RIMBP2: variants seen among roughly 807,000 people sequenced by gnomAD.
The protein encoded by RIMBP2 is RIMS-binding protein 2.
In RIMBP2, 48 loss-of-function variants were observed where a neutral mutation model predicts 118.6. The ratio of observed to expected loss-of-function variants is 0.40; its 90% CI spans 0.32 to 0.51. The LOEUF (loss-of-function observed/expected upper bound fraction) is 0.51. Ranked by LOEUF, RIMBP2 falls within the 20% of genes least tolerant of loss-of-function variation. The probability of loss-of-function intolerance (pLI) is 0.41; values close to 1 mark genes in which losing one functional copy is unlikely to be tolerated. For synonymous variants in RIMBP2, 762 were observed against 742.9 expected, an observed-to-expected ratio of 1.03 and a Z score of -0.42; for missense variants, 1,551 against 1,768.3, an observed-to-expected ratio of 0.88 and a Z score of 2.20.
chr12:130,596,073 G>A (rs545519014), intron 2 of RIMBP2, among the ~76,000 whole-genome samples: 2 of 152,172 alleles, frequency 1.3e-5, no homozygotes, highest in Non-Finnish European at 2.9e-5. Flanking sequence ...CGTCCCTGAT[G>A]TTACACAGTT....
rs2078530152 is a variant in RIMBP2 at position 130,446,452 on chromosome 12, C to T, written c.582-1183G>A. 6.6e-6 allele frequency among the ~76,000 whole-genome samples: 1 copy of T among 152,196 alleles called. No individual in the cohort carries two copies. Among genetic ancestry groups the T allele is most frequent in the South Asian group, 2.1e-4 (1 of 4,834 alleles). On this transcript the variant is annotated intron_variant, in intron 9 of 22. Transcript: ENST00000690449. The surrounding 1 kb of genome is among the most constrained non-coding windows in gnomAD (Gnocchi z 4.1). Reference sequence around the variant, plus strand: ...TGAATCGGTGGAAGGGGAACCAGAGCTGAGACCTCCTGACCCGTCCTGCGC... The same window carrying T: ...TGAATCGGTGGAAGGGGAACCAGAGTTGAGACCTCCTGACCCGTCCTGCGC...
At chr12:130,601,328 G>C (rs962682191) in intron 2 of RIMBP2, among the ~76,000 whole-genome samples, 4 of 120,044 alleles carry the variant, frequency 3.3e-5, no homozygotes, top group Admixed American at 1.7e-4. Flanking sequence ...GGGTCAAAGA[G>C]GGCAGGCAAA....
At position 130,537,501 on chromosome 12, in the gene RIMBP2, G is replaced by C. The variant is rs2054183634; in HGVS notation, c.-216-19584C>G. 3.3e-5 allele frequency among the ~76,000 whole-genome samples: 5 copies of C among 152,288 alleles called. No individual in the cohort carries two copies. In the South Asian group the frequency reaches 1.0e-3, roughly 32 times the overall value. ...GTTTGCCATATTGCCATTAGCAAACGACTTAACCTCTTTGAAGTCTCACTT... is the reference window on the plus strand; with the variant it reads ...GTTTGCCATATTGCCATTAGCAAACCACTTAACCTCTTTGAAGTCTCACTT... On this transcript the variant is annotated intron_variant, in intron 2 of 22. Transcript: ENST00000690449.
intron 1 of RIMBP2, among the ~76,000 whole-genome samples, chr12:130,681,608 G>T (rs1379633789): frequency 6.6e-6 from 1 of 152,078 alleles, no homozygotes; most frequent in Non-Finnish European, 1.5e-5. Context: ...ATGAACTAAG[G>T]TCGTGTAAAT....
chr12:130,424,517 G>A lies in RIMBP2; in HGVS notation c.2754C>T (p.Asp918=). The A allele has an allele frequency of 8.1e-7, 1 of 1,232,008 alleles. No individual in the cohort carries two copies. Among genetic ancestry groups the A allele is most frequent in the Non-Finnish European group, 1.0e-6 (1 of 987,860 alleles). The allele number at this position is 1,232,008 out of a possible 1,614,324, so 76.3% of individuals were successfully genotyped here. Residue 918 remains aspartate, a synonymous_variant, in exon 16 of 23, where the codon GAC becomes GAT. Coordinates refer to ENST00000690449, the MANE Select transcript of RIMBP2 (RefSeq NM_001393629.1). The surrounding 1 kb of genome is among the most constrained non-coding windows in gnomAD (Gnocchi z 9.8). ...RFSRSATRSP[D]SGLDCGSEED... ...CTTCACTCCCACAGTCCAGGCCGCT[G>A]TCCGGGCTCCGGGTGGCCGAGCGGC...
chr12:130,697,532 T>A (rs1206036890), intron 1 of RIMBP2, among the ~76,000 whole-genome samples: 1 of 151,780 alleles, frequency 6.6e-6, no homozygotes, highest in African/African-American at 2.4e-5. Context: ...TTTAAAAAAA[T>A]CATAATAATT....
At chr12:130,694,547 T>C (rs1241711341) in intron 1 of RIMBP2, among the ~76,000 whole-genome samples, 1 of 152,146 alleles carries the variant, frequency 6.6e-6, no homozygotes, top group Non-Finnish European at 1.5e-5. Flanking sequence ...CTGGCCTCTC[T>C]ACGCTCCTGC....
rs1029050616 is a variant in RIMBP2, at chr12:130,703,544, C to T, written c.-352+12678G>A. Among the ~76,000 whole-genome samples, 4 of 152,186 alleles carry T rather than the reference C, an allele frequency of 2.6e-5. No homozygotes were observed. Among genetic ancestry groups the T allele is most frequent in the African/African-American group, 9.7e-5 (4 of 41,444 alleles). ...CCCGGTGCTCAGCTCAGGGCTGAGC[C>T]GCAGTCTGAGGGCCGGGCCCTGGCA... On this transcript the variant is annotated intron_variant, in intron 1 of 22. Coordinates refer to ENST00000690449, the MANE Select transcript of RIMBP2 (RefSeq NM_001393629.1). The surrounding 1 kb of genome is among the most constrained non-coding windows in gnomAD (Gnocchi z 5.7).
In RIMBP2 at chr12:130,535,787, A is replaced by G. The variant is rs563923867; in HGVS notation, c.-216-17870T>C. On this transcript the variant is annotated intron_variant, in intron 2 of 22. Coordinates refer to ENST00000690449, the MANE Select transcript of RIMBP2 (RefSeq NM_001393629.1). ...TATATATATATATATATATATACAC[A>G]TATTTTTTTGAGCCAGGGTCTTGCT... Among the ~76,000 whole-genome samples the G allele has an allele frequency of 1.5e-3, 187 of 128,384 alleles. 1 individual carries two copies. The highest frequency in any genetic ancestry group is 0.014 in the Middle Eastern group (3 of 210). The allele number at this position is 128,384 out of a possible 152,430, so 84.2% of individuals were successfully genotyped here.
chr12:130,638,257 C>G (rs184328130), intron 1 of RIMBP2, among the ~76,000 whole-genome samples: 1 of 151,950 alleles, frequency 6.6e-6, no homozygotes, highest in Admixed American at 6.6e-5. Context: ...CTTTCATAGG[C>G]GAATGAATGA....
intron 5 of RIMBP2, among the ~76,000 whole-genome samples, chr12:130,473,357 T>C (rs1379968994): frequency 6.6e-6 from 1 of 152,236 alleles, no homozygotes; most frequent in African/African-American, 2.4e-5. Flanking sequence ...GGAAGAGGCC[T>C]GAGGAACAGG....
At chr12:130,589,094 CA>C in intron 2 of RIMBP2, among the ~76,000 whole-genome samples, 2 of 152,322 alleles carry the variant, frequency 1.3e-5, no homozygotes, top group Middle Eastern at 6.8e-3. Context: ...ATTGAAAAAT[CA>C]ATATTCAGAT....
rs1209743356 is a variant in RIMBP2 at position 130,442,022 on chromosome 12, C to T, written c.1330G>A (p.Glu444Lys). ...GCGGCCTTGACGATGTCGAACTCCTCCTCGTTGAGGAAGATGACGTGGCTG... is the reference window on the plus strand; with the variant it reads ...GCGGCCTTGACGATGTCGAACTCCTTCTCGTTGAGGAAGATGACGTGGCTG... Reference protein sequence around the residue: ...NYSHVIFLNEEEFDIVKAARY... With the variant: ...NYSHVIFLNEKEFDIVKAARY... The change falls in exon 11 of 23, where the codon GAG (glutamate) becomes AAG (lysine). Residue 444 changes from glutamate to lysine, a missense_variant. Glu to Lys is a moderately conservative substitution (Grantham distance 56). This residue lies in a region of RIMBP2 where 265 missense variants were observed against 349.5 expected (regional missense o/e 0.76). Transcript: ENST00000690449. The surrounding 1 kb of genome is among the most constrained non-coding windows in gnomAD (Gnocchi z 6.9). 3 of 1,614,184 alleles carry T rather than the reference C, an allele frequency of 1.9e-6. No homozygotes were observed. The highest frequency in any genetic ancestry group is 2.2e-5 in the East Asian group (1 of 44,870).
chr12:130,420,934 T>C lies in RIMBP2; in HGVS notation c.3238+1519A>G, dbSNP rs993357468. ...TTTCTGAGCGCCTACAGCATTAACT[T>C]CTCAGCGGCTACACCATCCCCAGGT... On this transcript the variant is annotated intron_variant, in intron 17 of 22. Coordinates refer to ENST00000690449, the MANE Select transcript of RIMBP2 (RefSeq NM_001393629.1). This position sits in a 1 kb window ranked among gnomAD's most constrained non-coding sequence, Gnocchi z 4.3. 5.3e-5 allele frequency: 8 copies of C among 152,164 alleles called. No homozygotes were observed. Among genetic ancestry groups the C allele is most frequent in the African/African-American group, 1.7e-4 (7 of 41,414 alleles). The allele number at this position is 152,164 out of a possible 1,614,324, so 9.4% of individuals were successfully genotyped here.
At chr12:130,657,787 T>G (rs2063491873) in intron 1 of RIMBP2, 1 of 152,022 alleles carries the variant, frequency 6.6e-6, no homozygotes, top group Non-Finnish European at 1.5e-5. Flanking sequence ...GGGCCCCAGG[T>G]CCCGCCTTCC....
chr12:130,496,769 G>A (rs553904748), intron 4 of RIMBP2, among the ~76,000 whole-genome samples: 2 of 152,270 alleles, frequency 1.3e-5, no homozygotes, highest in South Asian at 4.1e-4. Flanking sequence ...GAGCCAAGGA[G>A]GACCGCACAC....
intron 2 of RIMBP2, among the ~76,000 whole-genome samples, chr12:130,609,867 C>A (rs1217970677): frequency 6.6e-6 from 1 of 152,140 alleles, no homozygotes; most frequent in Non-Finnish European, 1.5e-5. Flanking sequence ...AGACGGAAGT[C>A]CCAGCTCCAG....
intron 1 of RIMBP2, among the ~76,000 whole-genome samples, chr12:130,662,375 A>T (rs2136355126): frequency 6.6e-6 from 1 of 152,184 alleles, no homozygotes; most frequent in African/African-American, 2.4e-5. Context: ...AGGAATCTGG[A>T]GGCGGAGCGC....
chr12:130,706,413 T>C (rs867082920), intron 1 of RIMBP2, among the ~76,000 whole-genome samples: 1 of 152,220 alleles, frequency 6.6e-6, no homozygotes. Flanking sequence ...CAGCCGGAAG[T>C]AGCAGAGCAG....
Sources: gnomAD v4.1 joint callset for allele counts (sites outside exome capture counted in the v4.1 genomes callset) on GRCh38, gnomAD v4.1.1 for gene constraint, gnomAD v4.1.1 regional missense constraint, Gnocchi (gnomAD v3.1) non-coding constraint, MANE v1.5 for transcripts, NCBI Gene and HGNC (gene_info 2026-07-23, HGNC 2026-07-21) for gene names.